CCSER1: variants seen among roughly 807,000 people sequenced by gnomAD.
The protein encoded by CCSER1 is coiled-coil serine rich protein 1.
CCSER1 carries 41 observed loss-of-function variants against 82.0 expected under a neutral mutation model. The observed-to-expected ratio is 0.50, with a 90% CI of 0.39 to 0.65. CCSER1 has a LOEUF of 0.65. Among genes scored for constraint, CCSER1 ranks in the 30% least tolerant of loss-of-function variants. The probability of loss-of-function intolerance (pLI) is 0.00; values close to 1 mark genes in which losing one functional copy is unlikely to be tolerated. For missense variants in CCSER1, 1,119 were observed against 1,064.2 expected (o/e 1.05, Z -0.72); for synonymous variants, 414 against 383.9 (o/e 1.08, Z -0.92).
chr4:91,533,374 T>A (rs552371373), intron 10 of CCSER1, among the ~76,000 whole-genome samples: 1 of 152,190 alleles, frequency 6.6e-6, no homozygotes, highest in African/African-American at 2.4e-5. Flanking sequence ...ATCTCATATA[T>A]ATTTTGGAAG....
chr4:90,142,626 C>CTT (rs35514100), intron 1 of CCSER1, among the ~76,000 whole-genome samples: 352 of 145,478 alleles, frequency 2.4e-3, no homozygotes, highest in African/African-American at 7.4e-3. Context: ...TTATTTACCA[C>CTT]TTTTTTTTTT....
chr4:91,073,179 T>G (rs1422968131), intron 9 of CCSER1, among the ~76,000 whole-genome samples: 1 of 152,088 alleles, frequency 6.6e-6, no homozygotes, highest in African/African-American at 2.4e-5. Flanking sequence ...TTTGATAAAT[T>G]TTGACATTTG....
chr4:90,880,282 T>G (rs1304691133), intron 8 of CCSER1, among the ~76,000 whole-genome samples: 1 of 152,106 alleles, frequency 6.6e-6, no homozygotes, highest in Non-Finnish European at 1.5e-5. Flanking sequence ...TTAGTAGTAG[T>G]TATGGCTAAG....
Position 91,085,986 on chromosome 4 carries a change from G to A in CCSER1, c.2209G>A (p.Gly737Arg), listed in dbSNP as rs1346250025. 1.3e-6 allele frequency: 2 copies of A among 1,529,088 alleles called. No individual in the cohort carries two copies. The highest frequency in any genetic ancestry group is 3.9e-5 in the Admixed American group (2 of 50,888). 94.7% of individuals were successfully genotyped at this position (1,529,088 alleles called of 1,614,324 possible). ...GAAAAGACTAGAGACAGTACAAGGA[G>A]GGAGAGAGGTAAGAATGTTTAAAGA... is the stretch of plus-strand genomic sequence containing the variant. Reference protein sequence around the residue: ...NLKRLETVQGGREATYRNRIV... With the variant: ...NLKRLETVQGRREATYRNRIV... Residue 737 changes from glycine (G) to arginine (R), a missense_variant, in exon 10 of 11, where the codon GGG (glycine) becomes AGG (arginine). Coordinates refer to ENST00000509176, the MANE Select transcript of CCSER1 (RefSeq NM_001145065.2).
chr4:90,822,289 T>G (rs1235497613), intron 8 of CCSER1, among the ~76,000 whole-genome samples: 7 of 152,228 alleles, frequency 4.6e-5, no homozygotes, highest in Non-Finnish European at 1.0e-4. Context: ...ATCACATTAC[T>G]AAATGTAAGT....
At chr4:90,248,992 T>C (rs1305687453) in intron 1 of CCSER1, among the ~76,000 whole-genome samples, 2 of 152,138 alleles carry the variant, frequency 1.3e-5, no homozygotes, top group African/African-American at 4.8e-5. Context: ...CCACAATGCC[T>C]GGCCAGAATT....
chr4:90,228,083 CAG>C (rs999849813), intron 1 of CCSER1, among the ~76,000 whole-genome samples: 2 of 152,200 alleles, frequency 1.3e-5, no homozygotes, highest in Non-Finnish European at 2.9e-5. Flanking sequence ...CTTAGGTAAA[CAG>C]AGCAGCCGGG....
rs796220805 is a variant in CCSER1, at chr4:90,391,273, A to G, written c.1510-8763A>G. The stretch of plus-strand genomic sequence containing the variant: ...GGGCGACAGAGCAAGACTCTGTCTC[A>G]AAAAAAAAAAAAAGAAAAAAAAAGA... On this transcript the variant is annotated intron_variant, in intron 3 of 10. Coordinates refer to ENST00000509176, the MANE Select transcript of CCSER1 (RefSeq NM_001145065.2). Among the ~76,000 whole-genome samples, 259 of 96,926 alleles carry G rather than the reference A, an allele frequency of 2.7e-3. 4 individuals are homozygous for G. The highest frequency in any genetic ancestry group is 0.014 in the African/African-American group (233 of 16,422). 63.6% of individuals were successfully genotyped at this position (96,926 alleles called of 152,430 possible).
At chr4:90,141,403 A>G (rs757648655) in intron 1 of CCSER1, among the ~76,000 whole-genome samples, 3 of 152,234 alleles carry the variant, frequency 2.0e-5, no homozygotes, top group Admixed American at 2.0e-4. Flanking sequence ...TAACTAAAAC[A>G]AGGGATGAAA....
At chr4:91,290,144 A>G (rs1166187679) in intron 10 of CCSER1, among the ~76,000 whole-genome samples, 1 of 152,030 alleles carries the variant, frequency 6.6e-6, no homozygotes, top group South Asian at 2.1e-4. Context: ...CAAAAATGGA[A>G]GGGAAATTGA....
At chr4:90,990,608 A>C (rs748140789) in intron 9 of CCSER1, among the ~76,000 whole-genome samples, 1 of 151,892 alleles carries the variant, frequency 6.6e-6, no homozygotes, top group Non-Finnish European at 1.5e-5. Context: ...TCAGAATCAG[A>C]TGGAGTGCTT....
chr4:90,993,213 T>C (rs569713967), intron 9 of CCSER1, among the ~76,000 whole-genome samples: 7 of 152,180 alleles, frequency 4.6e-5, no homozygotes, highest in African/African-American at 1.7e-4. Context: ...TGGACATCAA[T>C]CTCAACACAA....
At chr4:91,015,600 T>C (rs1407254673) in intron 9 of CCSER1, 2 of 151,890 alleles carry the variant, frequency 1.3e-5, no homozygotes, top group Non-Finnish European at 2.9e-5. Flanking sequence ...TTTATTATTA[T>C]GTAAATTAAT....
intron 5 of CCSER1, among the ~76,000 whole-genome samples, chr4:90,476,519 A>G (rs1765132958): frequency 6.6e-6 from 1 of 152,176 alleles, no homozygotes; most frequent in Non-Finnish European, 1.5e-5. Flanking sequence ...GTACCTTGTG[A>G]AAGGACTGAT....
intron 5 of CCSER1, among the ~76,000 whole-genome samples, chr4:90,611,194 C>T (rs1003331011): frequency 6.6e-6 from 1 of 151,472 alleles, no homozygotes; most frequent in Non-Finnish European, 1.5e-5. Flanking sequence ...CCACCGCGCC[C>T]AGCCCAGTTC....
intron 5 of CCSER1, among the ~76,000 whole-genome samples, chr4:90,476,140 A>G (rs1279494986): frequency 1.3e-5 from 2 of 151,902 alleles, no homozygotes; most frequent in African/African-American, 4.8e-5. Context: ...ATCCCTTTGT[A>G]CCATCGCCTT....
chr4:90,149,848 G>A (rs1220282462), intron 1 of CCSER1, among the ~76,000 whole-genome samples: 1 of 152,086 alleles, frequency 6.6e-6, no homozygotes, highest in Non-Finnish European at 1.5e-5. Context: ...TCATATTCAA[G>A]TTAAGTCTGC....
chr4:90,166,944 T>C (rs1444689640), intron 1 of CCSER1, among the ~76,000 whole-genome samples: 9 of 152,062 alleles, frequency 5.9e-5, no homozygotes, highest in Admixed American at 5.9e-4. Context: ...TATCATATTT[T>C]TAATTCTTGA....
At chr4:91,248,281 G>A (rs1393353328) in intron 10 of CCSER1, among the ~76,000 whole-genome samples, 6 of 152,102 alleles carry the variant, frequency 3.9e-5, no homozygotes, top group African/African-American at 9.7e-5. Flanking sequence ...ATCCCTCAAG[G>A]AGATACAACA....
Sources: allele counts gnomAD v4.1 joint callset (sites outside exome capture counted in the v4.1 genomes callset), GRCh38; gene constraint gnomAD v4.1.1; transcripts MANE v1.5; gene names NCBI Gene and HGNC (gene_info 2026-07-23, HGNC 2026-07-21).